The following GRIP1 variants were observed in gnomAD, a reference collection of about 807,000 sequenced individuals.
GRIP1 encodes glutamate receptor interacting protein 1, also known as glutamate receptor-interacting protein 1.
In GRIP1, 45 loss-of-function variants were observed where a neutral mutation model predicts 129.9. The observed-to-expected ratio is 0.35, with a 90% CI of 0.27 to 0.44. The LOEUF is 0.44. Ranked by LOEUF, GRIP1 falls within the 20% of genes least tolerant of loss-of-function variation. The pLI is 1.00. For synonymous variants in GRIP1, 530 were observed against 520.8 expected, an observed-to-expected ratio of 1.02 and a Z score of -0.24; for missense variants, 1,196 against 1,396.8, an observed-to-expected ratio of 0.86 and a Z score of 2.29.
intron 1 of GRIP1, among the ~76,000 whole-genome samples, chr12:66,779,383 T>C (rs2038086573): frequency 6.6e-6 from 1 of 152,190 alleles, no homozygotes; most frequent in Admixed American, 6.5e-5. Context: ...AAAAAAACCA[T>C]TAAGAGTCAC....
chr12:66,501,409 G>A (rs185481305), intron 7 of GRIP1, among the ~76,000 whole-genome samples: 1 of 152,204 alleles, frequency 6.6e-6, no homozygotes, highest in East Asian at 1.9e-4. Flanking sequence ...AATGGCTAAT[G>A]GAAGGTAAAA....
intron 1 of GRIP1, among the ~76,000 whole-genome samples, chr12:66,951,497 G>A (rs1436873690): frequency 6.6e-6 from 1 of 152,118 alleles, no homozygotes; most frequent in African/African-American, 2.4e-5. Flanking sequence ...AGGTTGGAGG[G>A]GTCAGTGGGA....
chr12:67,053,917 T>A (rs1230855718), intron 1 of GRIP1, among the ~76,000 whole-genome samples: 1 of 152,196 alleles, frequency 6.6e-6, no homozygotes, highest in African/African-American at 2.4e-5. Flanking sequence ...AACAGAGGTA[T>A]ATTTTAGCAG....
At chr12:66,994,480 G>A (rs1467568699) in intron 1 of GRIP1, among the ~76,000 whole-genome samples, 3 of 150,570 alleles carry the variant, frequency 2.0e-5, no homozygotes, top group Non-Finnish European at 4.4e-5. Flanking sequence ...GAATAGAGAA[G>A]AATTTCTCAA....
intron 1 of GRIP1, among the ~76,000 whole-genome samples, chr12:66,639,385 C>T (rs12827756): frequency 0.061 from 9,271 of 151,978 alleles, 453 homozygotes; most frequent in African/African-American, 0.13. Context: ...TGGGGGAGGG[C>T]GTTCCAGGAA....
chr12:66,941,156 T>C (rs2041578661), intron 1 of GRIP1, among the ~76,000 whole-genome samples: 1 of 145,934 alleles, frequency 6.9e-6, no homozygotes, highest in South Asian at 2.2e-4. Context: ...TATTAATTCA[T>C]GTGATTAAAA....
intron 1 of GRIP1, among the ~76,000 whole-genome samples, chr12:66,619,043 G>A (rs966296460): frequency 6.6e-6 from 1 of 152,118 alleles, no homozygotes; most frequent in African/African-American, 2.4e-5. Flanking sequence ...TTTCCTTCAA[G>A]CTTTGTTGTT....
chr12:66,837,787 G>C (rs2039641878), intron 1 of GRIP1, among the ~76,000 whole-genome samples: 1 of 152,164 alleles, frequency 6.6e-6, no homozygotes, highest in East Asian at 1.9e-4. Context: ...CACTGTAGTG[G>C]AAGGGTAAAG....
At chr12:66,561,422 T>C (rs2062523407) in intron 2 of GRIP1, among the ~76,000 whole-genome samples, 1 of 151,890 alleles carries the variant, frequency 6.6e-6, no homozygotes, top group African/African-American at 2.4e-5. Flanking sequence ...CATGGCTGTA[T>C]CAAAACATCT....
chr12:66,379,140 A>G (rs376714328), intron 20 of GRIP1, 140 bp downstream of exon 20: 3 of 989,706 alleles, frequency 3.0e-6, no homozygotes, highest in South Asian at 2.7e-5. Flanking sequence ...GAATCCTGCC[A>G]TGTGGCCAGC....
chr12:66,764,173 A>G (rs2136683889), intron 1 of GRIP1, among the ~76,000 whole-genome samples: 1 of 152,368 alleles, frequency 6.6e-6, no homozygotes, highest in South Asian at 2.1e-4. Flanking sequence ...TGGTCACAGA[A>G]AACTGCCCAC....
chr12:66,847,733 C>T (rs1353982822), intron 1 of GRIP1, among the ~76,000 whole-genome samples: 1 of 152,082 alleles, frequency 6.6e-6, no homozygotes, highest in Non-Finnish European at 1.5e-5. Context: ...GCCACAAATT[C>T]TGCTTTAGAA....
chr12:66,372,159 G>A (rs563387078), intron 22 of GRIP1: 4 of 590,706 alleles, frequency 6.8e-6, no homozygotes, highest in African/African-American at 5.6e-5. Flanking sequence ...AAGCCATTGA[G>A]TTTATTTAAT....
intron 1 of GRIP1, among the ~76,000 whole-genome samples, chr12:66,830,975 T>C (rs1399689060): frequency 1.3e-5 from 2 of 151,344 alleles, no homozygotes; most frequent in African/African-American, 2.4e-5. Flanking sequence ...GCCTCTTGAG[T>C]TGCTGGGACT....
intron 2 of GRIP1, among the ~76,000 whole-genome samples, chr12:66,580,653 G>C (rs1322675178): frequency 5.4e-5 from 8 of 147,966 alleles, no homozygotes; most frequent in Non-Finnish European, 1.2e-4. Context: ...GATCAAAAGA[G>C]ACAAAGAAGG....
chr12:66,462,180 G>A (rs531591748), intron 9 of GRIP1, among the ~76,000 whole-genome samples: 20 of 152,278 alleles, frequency 1.3e-4, no homozygotes, highest in Non-Finnish European at 2.4e-4. Context: ...TCCCAGACAA[G>A]ATGTTTGCTC....
At chr12:66,471,938 TG>T (rs2059450873) in intron 7 of GRIP1, among the ~76,000 whole-genome samples, 1 of 152,224 alleles carries the variant, frequency 6.6e-6, no homozygotes, top group Non-Finnish European at 1.5e-5. Flanking sequence ...TTGGGATCTT[TG>T]TTAGATGTCA....
intron 1 of GRIP1, among the ~76,000 whole-genome samples, chr12:66,736,346 A>ATTTTTTTTTTTTTTTT (rs547706592): frequency 2.4e-4 from 16 of 67,022 alleles, no homozygotes; most frequent in Non-Finnish European, 3.6e-4. Flanking sequence ...TGCCTGGCTA[A>ATTTTTTTTTTTTTTTT]TTTTTTTTTT....
At chr12:66,581,954 A>C (rs1451334930) in intron 2 of GRIP1, among the ~76,000 whole-genome samples, 1 of 152,220 alleles carries the variant, frequency 6.6e-6, no homozygotes, top group African/African-American at 2.4e-5. Context: ...CACAACGAAA[A>C]AAGAGAATTT....
Sources: gnomAD v4.1 joint callset for allele counts (sites outside exome capture counted in the v4.1 genomes callset) on GRCh38, gnomAD v4.1.1 for gene constraint, MANE v1.5 for transcripts, NCBI Gene and HGNC (gene_info 2026-07-23, HGNC 2026-07-21) for gene names.